The following SDK1 variants were observed in gnomAD, a reference collection of about 807,000 sequenced individuals.
SDK1 encodes the protein sidekick cell adhesion molecule 1.
Under a neutral mutation model 245.5 loss-of-function variants are expected in SDK1, and 157 were observed. The observed-to-expected ratio is 0.64, with a 90% CI of 0.56 to 0.73. The LOEUF (loss-of-function observed/expected upper bound fraction) is 0.73. Among genes scored for constraint, SDK1 ranks in the 30% least tolerant of loss-of-function variants. The pLI, the probability that SDK1 is intolerant of heterozygous loss-of-function variation, is 0.00. For synonymous variants in SDK1, 1,647 were observed against 1,278.5 expected, an observed-to-expected ratio of 1.29 and a Z score of -6.15; for missense variants, 3,583 against 3,002.3, an observed-to-expected ratio of 1.19 and a Z score of -4.52.
At chr7:3,865,814 C>T (rs117548126) in intron 5 of SDK1, among the ~76,000 whole-genome samples, 1 of 152,084 alleles carries the variant, frequency 6.6e-6, no homozygotes, top group Non-Finnish European at 1.5e-5. Context: ...CCATTCTTAA[C>T]CCATCAGTTT....
intron 1 of SDK1, among the ~76,000 whole-genome samples, chr7:3,451,019 C>G (rs193072026): frequency 1.4e-4 from 21 of 152,148 alleles, no homozygotes; most frequent in African/African-American, 5.1e-4. Flanking sequence ...AAACCTGTCT[C>G]CTGGGTTTGG....
In SDK1 at chr7:3,446,412, G is replaced by C. The variant is rs998679669; in HGVS notation, c.298+144528G>C. Among the ~76,000 whole-genome samples, 3 of 152,090 alleles carry C rather than the reference G, an allele frequency of 2.0e-5. 1 individual carries two copies. The highest frequency in any genetic ancestry group is 6.5e-5 in the Admixed American group (1 of 15,276). On this transcript the variant is annotated intron_variant, in intron 1 of 44. Transcript: ENST00000404826. ...TTTATCATACAATTGCGGAAAGTTG[G>C]AGACAATCTTATAGTTGATAAGTTT...
chr7:3,746,521 C>G (rs1200538046), intron 4 of SDK1, among the ~76,000 whole-genome samples: 1 of 152,202 alleles, frequency 6.6e-6, no homozygotes, highest in African/African-American at 2.4e-5. Flanking sequence ...TGGAGTCACT[C>G]CTCTCAAATC....
At chr7:3,728,246 G>A (rs192096357) in intron 4 of SDK1, among the ~76,000 whole-genome samples, 80 of 152,314 alleles carry the variant, frequency 5.3e-4, no homozygotes, top group Non-Finnish European at 8.2e-4. Context: ...GTTTCTCTTT[G>A]TTTTTGTACT....
chr7:3,744,404 A>T (rs531699416), intron 4 of SDK1, among the ~76,000 whole-genome samples: 1 of 152,192 alleles, frequency 6.6e-6, no homozygotes, highest in Admixed American at 6.5e-5. Context: ...CACAGACTTC[A>T]TCTGCCAAAC....
intron 21 of SDK1, 25 bp downstream of exon 21, chr7:4,077,214 C>A: frequency 1.2e-6 from 2 of 1,601,476 alleles, no homozygotes; most frequent in South Asian, 1.1e-5. Context: ...GTGCGGTCCT[C>A]CTGCTGTCAC....
At chr7:4,062,112 C>T (rs184355051) in intron 19 of SDK1, among the ~76,000 whole-genome samples, 2,443 of 151,684 alleles carry the variant, frequency 0.016, 33 homozygotes, top group Admixed American at 0.027. Flanking sequence ...TGCACATGTA[C>T]CCTAAAACTT....
chr7:3,468,481 C>G (rs540323469), intron 1 of SDK1, among the ~76,000 whole-genome samples: 150 of 152,298 alleles, frequency 9.8e-4, no homozygotes, highest in African/African-American at 3.3e-3. Flanking sequence ...GAACCCCTTT[C>G]CCCATAGCCA....
intron 38 of SDK1, among the ~76,000 whole-genome samples, chr7:4,217,124 C>T (rs1212678588): frequency 1.3e-5 from 1 of 75,190 alleles, no homozygotes; most frequent in African/African-American, 5.6e-5. Flanking sequence ...GAGCACCACA[C>T]CACCCGGAGC....
At chr7:4,000,999 A>T (rs999386718) in intron 14 of SDK1, among the ~76,000 whole-genome samples, 2 of 152,074 alleles carry the variant, frequency 1.3e-5, no homozygotes, top group Non-Finnish European at 2.9e-5. Flanking sequence ...TCCTGCCCTC[A>T]CCAAGACGAG....
chr7:3,424,207 C>T (rs938099033), intron 1 of SDK1, among the ~76,000 whole-genome samples: 34 of 152,180 alleles, frequency 2.2e-4, no homozygotes, highest in African/African-American at 5.8e-4. Context: ...CCACCATGCC[C>T]GGCCATACTA....
chr7:3,620,649 C>T (rs1417065197), intron 2 of SDK1, among the ~76,000 whole-genome samples: 1 of 152,032 alleles, frequency 6.6e-6, no homozygotes, highest in Admixed American at 6.6e-5. Context: ...CTGTAAAAAC[C>T]TTGCTTCCCA....
intron 35 of SDK1, among the ~76,000 whole-genome samples, chr7:4,183,503 T>C (rs1009554282): frequency 2.0e-5 from 3 of 151,796 alleles, no homozygotes; most frequent in African/African-American, 7.3e-5. Context: ...GGCATGGTGG[T>C]GCATGCCTGT....
intron 1 of SDK1, among the ~76,000 whole-genome samples, chr7:3,457,168 T>A (rs1236950572): frequency 6.6e-6 from 1 of 152,104 alleles, no homozygotes; most frequent in African/African-American, 2.4e-5. Context: ...TTCTGTTTGG[T>A]CCGGGCAAGG....
chr7:3,493,433 CAAAG>C (rs1477572559), intron 1 of SDK1, among the ~76,000 whole-genome samples: 1 of 152,142 alleles, frequency 6.6e-6, no homozygotes, highest in Non-Finnish European at 1.5e-5. Flanking sequence ...GTTTTGTTCT[CAAAG>C]AAAATTAAAA....
chr7:4,049,299 G>C lies in SDK1; in HGVS notation c.2603-49G>C, dbSNP rs771800097. Reference sequence around the variant, plus strand: ...TTCCTTTCTGTCTCTCCACCCCATGGTCCCTCCTGCCATTTGTTCTGCTGT... The same window carrying C: ...TTCCTTTCTGTCTCTCCACCCCATGCTCCCTCCTGCCATTTGTTCTGCTGT... On this transcript the variant is annotated intron_variant, in intron 17 of 44. Coordinates refer to ENST00000404826, the MANE Select transcript of SDK1 (RefSeq NM_152744.4). The C allele has an allele frequency of 3.5e-6, 5 of 1,428,486 alleles. No individual in the cohort carries two copies. In the Admixed American group the frequency reaches 5.1e-5, roughly 15 times the overall value. 88.5% of individuals were successfully genotyped at this position (1,428,486 alleles called of 1,614,324 possible).
intron 1 of SDK1, among the ~76,000 whole-genome samples, chr7:3,443,025 C>T (rs759606839): frequency 6.6e-6 from 1 of 151,508 alleles, no homozygotes; most frequent in Non-Finnish European, 1.5e-5. Flanking sequence ...CAACACAATA[C>T]CCTATCCATA....
intron 1 of SDK1, among the ~76,000 whole-genome samples, chr7:3,444,510 CTTAT>C (rs1424819979): frequency 1.3e-5 from 2 of 152,118 alleles, no homozygotes; most frequent in African/African-American, 4.8e-5. Flanking sequence ...CTATTTTCTC[CTTAT>C]TTAAGAACTT....
chr7:3,596,091 C>T lies in SDK1; in HGVS notation c.299-22989C>T, dbSNP rs542061840. 2.6e-5 allele frequency among the ~76,000 whole-genome samples: 4 copies of T among 151,824 alleles called. No individual in the cohort carries two copies. In the East Asian group the frequency reaches 7.8e-4, roughly 29 times the overall value. On this transcript the variant is annotated intron_variant, in intron 1 of 44. Transcript: ENST00000404826. ...TGTTAGGTAGCACAGATTAATTATC[C>T]TTTATCTAAAAATTCCAAATCTGAA...
Sources: gnomAD v4.1 joint callset for allele counts (sites outside exome capture counted in the v4.1 genomes callset) on GRCh38, gnomAD v4.1.1 for gene constraint, MANE v1.5 for transcripts, NCBI Gene and HGNC (gene_info 2026-07-23, HGNC 2026-07-21) for gene names.